NCALD: variants seen among roughly 807,000 people sequenced by gnomAD.
The protein encoded by NCALD is neurocalcin delta.
In NCALD, 10 loss-of-function variants were observed where a neutral mutation model predicts 18.6. The ratio of observed to expected loss-of-function variants is 0.54; its 90% CI spans 0.33 to 0.91. NCALD has a LOEUF of 0.91. Among genes scored for constraint, NCALD ranks in the 40% least tolerant of loss-of-function variants. The pLI, the probability that NCALD is intolerant of heterozygous loss-of-function variation, is 0.03. For synonymous variants in NCALD, 88 were observed against 87.4 expected (o/e 1.01, Z -0.04); for missense variants, 184 against 247.6 (o/e 0.74, Z 1.72).
intron 1 of NCALD, among the ~76,000 whole-genome samples, chr8:102,055,399 C>T (rs2155235): frequency 0.11 from 16,900 of 152,128 alleles, 1,000 homozygotes; most frequent in Middle Eastern, 0.15. Flanking sequence ...AAAAAGCCTA[C>T]GTTCACGACA....
chr8:102,028,254 CTA>C lies in NCALD; in HGVS notation c.-209-7967_-209-7966del, dbSNP rs377478801. 3.3e-3 allele frequency among the ~76,000 whole-genome samples: 498 copies of C among 152,212 alleles called. 4 individuals are homozygous for C. Among genetic ancestry groups the C allele is most frequent in the African/African-American group, 0.012 (480 of 41,534 alleles). ...ATCTTACTTAAACACAAACTTGAGT[CTA>C]TGTGTATATACAGGAAGAAAGCAAG... On this transcript the variant is annotated intron_variant, in intron 1 of 6. Transcript: ENST00000311028.
chr8:101,946,834 A>AAT (rs1554669282), intron 2 of NCALD, among the ~76,000 whole-genome samples: 56 of 139,740 alleles, frequency 4.0e-4, no homozygotes, highest in Middle Eastern at 4.1e-3. Flanking sequence ...AAAAAAAAAA[A>AAT]ATCTTGTTTG....
chr8:102,026,419 CA>C (rs1278597728), intron 1 of NCALD, among the ~76,000 whole-genome samples: 1 of 152,148 alleles, frequency 6.6e-6, no homozygotes, highest in Non-Finnish European at 1.5e-5. Context: ...TTGGCCAAAA[CA>C]AAGTGGTTAC....
At chr8:101,691,099 C>G (rs1439132219) in intron 3 of NCALD, 3 of 985,262 alleles carry the variant, frequency 3.0e-6, no homozygotes, top group African/African-American at 3.5e-5. Context: ...GAGGACTGCT[C>G]TGCTCTCGGC....
intron 3 of NCALD, among the ~76,000 whole-genome samples, chr8:101,907,738 C>G (rs1817657204): frequency 6.6e-6 from 1 of 152,136 alleles, no homozygotes; most frequent in African/African-American, 2.4e-5. Flanking sequence ...TGGAAAGAAA[C>G]TACATTTCAT....
chr8:101,723,282 G>A lies in NCALD; in HGVS notation c.-19-3634C>T, dbSNP rs114436040. 6.3e-3 allele frequency among the ~76,000 whole-genome samples: 964 copies of A among 152,194 alleles called. 11 individuals are homozygous for A. Among genetic ancestry groups the A allele is most frequent in the African/African-American group, 0.021 (887 of 41,522 alleles). On this transcript the variant is annotated intron_variant, in intron 1 of 3. Coordinates refer to ENST00000220931, the MANE Select transcript of NCALD (RefSeq NM_032041.3). ...TTTTTTCTCTATTAAGTTAATTGCA[G>A]TATTATTTCACCGTCGCCATTTACA... is the stretch of plus-strand genomic sequence containing the variant.
chr8:102,008,673 T>C lies in NCALD; in HGVS notation c.-157+11564A>G, dbSNP rs139263706. On this transcript the variant is annotated intron_variant, in intron 2 of 6. Coordinates refer to the NCALD transcript ENST00000311028. Reference sequence around the variant, plus strand: ...CTTGATAAACTCACCCTTATTTTCCTAGTTGCTTCTCTACCCAATTAACTA... The same window carrying C: ...CTTGATAAACTCACCCTTATTTTCCCAGTTGCTTCTCTACCCAATTAACTA... Among the ~76,000 whole-genome samples, 624 of 152,244 alleles carry C rather than the reference T, an allele frequency of 4.1e-3. 1 individual carries two copies. Among genetic ancestry groups the C allele is most frequent in the Non-Finnish European group, 6.9e-3 (470 of 67,998 alleles).
chr8:101,929,258 AT>A (rs1207369440), intron 2 of NCALD, among the ~76,000 whole-genome samples: 4 of 65,918 alleles, frequency 6.1e-5, no homozygotes, highest in African/African-American at 3.2e-4. Flanking sequence ...GGAGGAAGGG[AT>A]GGAGGAAGGG....
chr8:101,699,813 A>AG (rs951640920), intron 2 of NCALD, among the ~76,000 whole-genome samples: 44 of 152,262 alleles, frequency 2.9e-4, no homozygotes, highest in African/African-American at 1.1e-3. Flanking sequence ...TAATGCATGC[A>AG]GGGCTTAAAA....
At chr8:101,718,842 C>T (rs1816212134) in intron 2 of NCALD, among the ~76,000 whole-genome samples, 1 of 152,200 alleles carries the variant, frequency 6.6e-6, no homozygotes, top group African/African-American at 2.4e-5. Context: ...ACAGATTTTA[C>T]ATCTGATAAG....
At chr8:101,732,224 C>T (rs1816864685) in intron 1 of NCALD, among the ~76,000 whole-genome samples, 1 of 152,214 alleles carries the variant, frequency 6.6e-6, no homozygotes, top group African/African-American at 2.4e-5. Context: ...ATTATTACTA[C>T]TTTGGGTTCT....
At chr8:101,763,860 C>A (rs1023490379) in intron 1 of NCALD, among the ~76,000 whole-genome samples, 4 of 151,798 alleles carry the variant, frequency 2.6e-5, no homozygotes, top group African/African-American at 7.3e-5. Flanking sequence ...TACACCATCA[C>A]CTCTCCTGGG....
chr8:102,018,666 T>C (rs1822171290), intron 2 of NCALD, among the ~76,000 whole-genome samples: 1 of 152,182 alleles, frequency 6.6e-6, no homozygotes, highest in Non-Finnish European at 1.5e-5. Context: ...GGTAAAACAA[T>C]GATTACATAC....
At chr8:102,119,824 G>A (rs1302889271) in intron 1 of NCALD, among the ~76,000 whole-genome samples, 1 of 152,118 alleles carries the variant, frequency 6.6e-6, no homozygotes, top group African/African-American at 2.4e-5. Flanking sequence ...ATCTTATTCA[G>A]CCTGTATCCC....
chr8:101,853,587 G>A (rs185786414), intron 4 of NCALD, among the ~76,000 whole-genome samples: 1 of 152,102 alleles, frequency 6.6e-6, no homozygotes, highest in Non-Finnish European at 1.5e-5. Context: ...AAAGAAAATG[G>A]TTCTCCCTGT....
chr8:101,956,196 G>C (rs1242920049), intron 2 of NCALD, among the ~76,000 whole-genome samples: 3 of 152,150 alleles, frequency 2.0e-5, no homozygotes, highest in Non-Finnish European at 2.9e-5. Context: ...CACCCCCAAA[G>C]AGACTTCATT....
chr8:102,007,683 A>T (rs911032844), intron 2 of NCALD, among the ~76,000 whole-genome samples: 2 of 152,226 alleles, frequency 1.3e-5, no homozygotes, highest in Non-Finnish European at 2.9e-5. Flanking sequence ...AAACACTTGT[A>T]TGTAGGTGCA....
chr8:101,854,410 G>A (rs774438146), intron 4 of NCALD, among the ~76,000 whole-genome samples: 7 of 152,108 alleles, frequency 4.6e-5, no homozygotes, highest in Non-Finnish European at 1.0e-4. Context: ...GATGAATTGC[G>A]TTCCTGAAGT....
chr8:101,887,524 G>T (rs1449809208), intron 3 of NCALD, among the ~76,000 whole-genome samples: 4 of 152,110 alleles, frequency 2.6e-5, no homozygotes, highest in Non-Finnish European at 5.9e-5. Flanking sequence ...TTATTACAGG[G>T]AGAAACAGGC....
Sources: allele counts gnomAD v4.1 joint callset (sites outside exome capture counted in the v4.1 genomes callset), GRCh38; gene constraint gnomAD v4.1.1; transcripts MANE v1.5; gene names NCBI Gene and HGNC (gene_info 2026-07-23, HGNC 2026-07-21).